Variants in ZFAND1 observed in about 807,000 individuals in gnomAD.
The protein encoded by ZFAND1 is AN1-type zinc finger protein 1.
Under a neutral mutation model 38.5 loss-of-function variants are expected in ZFAND1, and 40 were observed. The observed-to-expected ratio is 1.04, with a 90% CI of 0.81 to 1.35. ZFAND1 has a LOEUF of 1.35. Among genes scored for constraint, ZFAND1 ranks in the 40% most tolerant of loss-of-function variants. The probability of loss-of-function intolerance (pLI) is 0.00; values close to 1 mark genes in which losing one functional copy is unlikely to be tolerated. For synonymous variants in ZFAND1, 117 were observed against 103.6 expected (o/e 1.13, Z -0.78); for missense variants, 346 against 316.3 (o/e 1.09, Z -0.71).
At chr8:81,703,293 G>T (rs1385713515) in intron 6 of ZFAND1, among the ~76,000 whole-genome samples, 169 bp from the exon 7 acceptor site, 1 of 152,174 alleles carries the variant, frequency 6.6e-6, no homozygotes, top group Non-Finnish European at 1.5e-5. Context: ...AAATGCATGG[G>T]CATAGGACCA....
At chr8:81,706,722 T>C (rs1273135933) in intron 6 of ZFAND1, among the ~76,000 whole-genome samples, 5 of 152,030 alleles carry the variant, frequency 3.3e-5, no homozygotes, top group African/African-American at 1.2e-4. Context: ...AATTTTTAAC[T>C]AGAAAATTAA....
intron 6 of ZFAND1, among the ~76,000 whole-genome samples, chr8:81,704,224 T>C (rs1005696146): frequency 2.0e-5 from 3 of 152,146 alleles, no homozygotes; most frequent in Non-Finnish European, 4.4e-5. Context: ...TCTCCTTATA[T>C]TGTATTTTCT....
intron 6 of ZFAND1, among the ~76,000 whole-genome samples, chr8:81,711,109 A>G (rs888664582): frequency 1.3e-5 from 2 of 152,200 alleles, no homozygotes; most frequent in Admixed American, 6.5e-5. Context: ...ATACCTAAAC[A>G]AGTATATTAA....
rs1807964871 is a variant in ZFAND1, at chr8:81,705,872, T to C, written c.481-2748A>G. Among the ~76,000 whole-genome samples, 5 of 152,310 alleles carry C rather than the reference T, an allele frequency of 3.3e-5. No homozygotes were observed. The South Asian group carries it at 1.0e-3, about 32-fold the overall frequency. ...AGTAGAGGCTGTAGTGAGCCGAGAC[T>C]GTGCCACTGCACTCCAGCCTGGGTG... On this transcript the variant is annotated intron_variant, in intron 6 of 7. Transcript: ENST00000220669.
intron 6 of ZFAND1, among the ~76,000 whole-genome samples, chr8:81,707,822 T>C (rs765670299): frequency 2.0e-4 from 31 of 152,182 alleles, no homozygotes; most frequent in Admixed American, 2.0e-4. Flanking sequence ...ATTTTGATAT[T>C]TCAATCCAAT....
At chr8:81,720,619 T>C (rs940067913) in intron 1 of ZFAND1, 2 of 152,238 alleles carry the variant, frequency 1.3e-5, no homozygotes, top group African/African-American at 4.8e-5. Flanking sequence ...TTGGGCGAGT[T>C]GACCTCCCCC....
At chr8:81,717,061 C>A (rs1487039158) in intron 3 of ZFAND1, among the ~76,000 whole-genome samples, 188 bp downstream of exon 3, 1 of 151,984 alleles carries the variant, frequency 6.6e-6, no homozygotes, top group Non-Finnish European at 1.5e-5. Flanking sequence ...TTTACAAATA[C>A]CAAGTAAAAC....
At chr8:81,707,110 A>G (rs1217495335) in intron 6 of ZFAND1, among the ~76,000 whole-genome samples, 1 of 152,248 alleles carries the variant, frequency 6.6e-6, no homozygotes, top group Non-Finnish European at 1.5e-5. Flanking sequence ...TCAGGCCAAA[A>G]GCCTAGACTT....
In ZFAND1 at chr8:81,702,793, T is replaced by C. The variant is rs1456560237; in HGVS notation, c.709A>G (p.Lys237Glu). The C allele has an allele frequency of 6.2e-7, 1 of 1,609,520 alleles. No homozygotes were observed. The highest frequency in any genetic ancestry group is 1.3e-5 in the African/African-American group (1 of 74,764). The change falls in exon 8 of 8, where the codon AAG becomes GAG. Residue 237 changes from lysine (K) to glutamate (E), a missense_variant. Lys to Glu is a moderately conservative substitution (Grantham distance 56). Coordinates refer to ENST00000220669, the MANE Select transcript of ZFAND1 (RefSeq NM_024699.3). ...CCATTATATAAAGGACAATCCTCCT[T>C]AGCAATCCAGGTTTCCAAAGTATGA... is the stretch of plus-strand genomic sequence containing the variant. ...LDHTLETWIAKEDCPLYNGGN... is the reference protein window; with the variant it reads ...LDHTLETWIAEEDCPLYNGGN...
chr8:81,718,030 A>G, intron 2 of ZFAND1, 152 bp downstream of exon 2: 1 of 500,974 alleles, frequency 2.0e-6, no homozygotes, highest in Non-Finnish European at 3.3e-6. Flanking sequence ...AGTCATATAT[A>G]TGGAGAAGTA....
At position 81,702,509 on chromosome 8, in the gene ZFAND1, C is replaced by T. The variant is rs897497251; in HGVS notation, c.*186G>A. ...AAGAATTTGCTAATAATTGAGGATCCGTACACAATTAAACTTAAAACCAAA... is the reference window on the plus strand; with the variant it reads ...AAGAATTTGCTAATAATTGAGGATCTGTACACAATTAAACTTAAAACCAAA... On this transcript the variant is annotated 3_prime_UTR_variant, in exon 8 of 8. Transcript: ENST00000220669. 1.5e-5 allele frequency: 6 copies of T among 402,014 alleles called. No homozygotes were observed. The highest frequency in any genetic ancestry group is 6.8e-4 in the Middle Eastern group (1 of 1,466). 24.9% of individuals were successfully genotyped at this position (402,014 alleles called of 1,614,324 possible).
Position 81,702,524 on chromosome 8 carries a change from T to C in ZFAND1, c.*171A>G. The C allele has an allele frequency of 1.9e-6, 1 of 524,922 alleles. No individual in the cohort carries two copies. Among genetic ancestry groups the C allele is most frequent in the Non-Finnish European group, 3.0e-6 (1 of 330,848 alleles). The allele number at this position is 524,922 out of a possible 1,614,324, so 32.5% of individuals were successfully genotyped here. On this transcript the variant is annotated 3_prime_UTR_variant, in exon 8 of 8. Transcript: ENST00000220669. ...ATTGAGGATCCGTACACAATTAAAC[T>C]TAAAACCAAAAAACTCTAATAGAAA...
chr8:81,713,530 T>C (rs1437275671), intron 6 of ZFAND1, among the ~76,000 whole-genome samples: 1 of 152,188 alleles, frequency 6.6e-6, no homozygotes, highest in East Asian at 1.9e-4. Flanking sequence ...ATAAAATAAC[T>C]GATATTGTGA....
In ZFAND1 at chr8:81,714,633, T is replaced by A. The variant is rs542635113; in HGVS notation, c.358+171A>T. 6.2e-4 allele frequency: 374 copies of A among 607,596 alleles called. 2 individuals carry two copies. The highest frequency in any genetic ancestry group is 5.0e-3 in the South Asian group (242 of 48,042). The allele number at this position is 607,596 out of a possible 1,614,324, so 37.6% of individuals were successfully genotyped here. On this transcript the variant is annotated intron_variant, in intron 5 of 7. Coordinates refer to ENST00000220669, the MANE Select transcript of ZFAND1 (RefSeq NM_024699.3). Reference sequence around the variant, plus strand: ...CCTCCAAATAATTTCCAAATTTCCATCGGTCAGGTAGACCTCATAAGAAAT... The same window carrying A: ...CCTCCAAATAATTTCCAAATTTCCAACGGTCAGGTAGACCTCATAAGAAAT...
intron 1 of ZFAND1, among the ~76,000 whole-genome samples, chr8:81,719,057 A>C (rs1808394581): frequency 1.3e-5 from 2 of 152,088 alleles, no homozygotes; most frequent in South Asian, 4.1e-4. Context: ...CCGACCTCAC[A>C]GTGTACTTAC....
intron 1 of ZFAND1, chr8:81,720,819 G>A (rs1808450121): frequency 2.3e-5 from 6 of 266,370 alleles, no homozygotes; most frequent in African/African-American, 4.6e-5. Flanking sequence ...CTCGGACACG[G>A]CACACTCGAA....
intron 6 of ZFAND1, among the ~76,000 whole-genome samples, chr8:81,712,239 A>G (rs1047347083): frequency 2.0e-5 from 3 of 152,216 alleles, no homozygotes; most frequent in Non-Finnish European, 2.9e-5. Context: ...AAGAAATAAT[A>G]GTATCAAGAA....
chr8:81,706,476 A>C (rs927962194), intron 6 of ZFAND1, among the ~76,000 whole-genome samples: 1 of 151,562 alleles, frequency 6.6e-6, no homozygotes, highest in African/African-American at 2.4e-5. Context: ...GAGAGAGTCA[A>C]CTGGATAAAG....
chr8:81,704,064 T>G (rs1807894232), intron 6 of ZFAND1, among the ~76,000 whole-genome samples: 1 of 151,434 alleles, frequency 6.6e-6, no homozygotes. Context: ...CCTCACTATG[T>G]ATTTAGACAG....
Sources: allele counts gnomAD v4.1 joint callset (sites outside exome capture counted in the v4.1 genomes callset), GRCh38; gene constraint gnomAD v4.1.1; transcripts MANE v1.5; gene names NCBI Gene and HGNC (gene_info 2026-07-23, HGNC 2026-07-21).